AGBL2: variants seen among roughly 807,000 people sequenced by gnomAD.
The protein encoded by AGBL2 is AGBL carboxypeptidase 2.
AGBL2 carries 87 observed loss-of-function variants against 103.0 expected under a neutral mutation model. The observed-to-expected ratio is 0.84, with a 90% CI of 0.71 to 1.01. AGBL2 has a LOEUF of 1.01. AGBL2 is among the 50% of genes least tolerant of loss of function. AGBL2 has a pLI of 0.00. For missense variants in AGBL2, 904 were observed against 1,023.5 expected (o/e 0.88, Z 1.59); for synonymous variants, 335 against 356.7 (o/e 0.94, Z 0.69).
intron 14 of AGBL2, among the ~76,000 whole-genome samples, chr11:47,671,160 C>T (rs747233848): frequency 2.6e-5 from 4 of 151,956 alleles, no homozygotes; most frequent in African/African-American, 4.8e-5. Context: ...TTCCCCTTTC[C>T]TGGGGTTTAG....
At chr11:47,691,729 A>AAAAAAAAAAAAAATAAAT in intron 9 of AGBL2, among the ~76,000 whole-genome samples, 1 of 4,856 alleles carries the variant, frequency 2.1e-4, no homozygotes, top group Non-Finnish European at 3.6e-4. Context: ...AAAAAAAAAA[A>AAAAAAAAAAAAAATAAAT]ATATATATAT....
intron 8 of AGBL2, 111 bp from the exon 9 acceptor site, chr11:47,692,367 T>C (rs2097450854): frequency 1.5e-6 from 1 of 668,078 alleles, no homozygotes; most frequent in Non-Finnish European, 2.3e-6. Context: ...AACAATGAAA[T>C]TTCTAATTTT....
intron 17 of AGBL2, among the ~76,000 whole-genome samples, chr11:47,665,395 T>C (rs1187791542): frequency 1.3e-5 from 2 of 151,924 alleles, no homozygotes; most frequent in Admixed American, 6.6e-5. Context: ...GGGGTCTTGC[T>C]ATGTTGCCAG....
intron 8 of AGBL2, among the ~76,000 whole-genome samples, chr11:47,698,817 T>G (rs1241065551): frequency 3.9e-5 from 6 of 152,130 alleles, no homozygotes; most frequent in Non-Finnish European, 5.9e-5. Flanking sequence ...GATTTCTAAC[T>G]TAATTTTATT....
At chr11:47,678,687 T>A (rs1018579914) in intron 13 of AGBL2, among the ~76,000 whole-genome samples, 22 of 151,468 alleles carry the variant, frequency 1.5e-4, no homozygotes, top group African/African-American at 5.1e-4. Context: ...GAAGACATAA[T>A]TAATGAGGCA....
chr11:47,705,228 A>G (rs1304853576), intron 6 of AGBL2: 2 of 153,056 alleles, frequency 1.3e-5, no homozygotes, highest in African/African-American at 2.4e-5. Flanking sequence ...GACAGACATA[A>G]AACAAAGAAG....
intron 10 of AGBL2, among the ~76,000 whole-genome samples, chr11:47,687,227 C>CA (rs2097427640): frequency 6.6e-6 from 1 of 151,706 alleles, no homozygotes; most frequent in African/African-American, 2.4e-5. Context: ...CTGGTGCACA[C>CA]AGGTAATGAT....
intron 14 of AGBL2, among the ~76,000 whole-genome samples, chr11:47,675,303 A>C (rs940174596): frequency 7.3e-6 from 1 of 136,304 alleles, no homozygotes; most frequent in African/African-American, 2.8e-5. Context: ...CGAATTTCTG[A>C]GCTCAGCAAT....
intron 13 of AGBL2, among the ~76,000 whole-genome samples, chr11:47,679,505 G>C (rs2097393020): frequency 6.6e-6 from 1 of 152,056 alleles, no homozygotes; most frequent in Admixed American, 6.6e-5. Context: ...ACCATTTGTA[G>C]ACAGTATGCA....
chr11:47,698,676 A>G (rs11039345), intron 8 of AGBL2, among the ~76,000 whole-genome samples: 53,894 of 151,956 alleles, frequency 0.35, 10,826 homozygotes, highest in South Asian at 0.52. Context: ...TTGATATGTT[A>G]TGGTTTTATT....
At chr11:47,671,365 A>G (rs528682364) in intron 14 of AGBL2, among the ~76,000 whole-genome samples, 12 of 152,148 alleles carry the variant, frequency 7.9e-5, no homozygotes, top group African/African-American at 2.9e-4. Flanking sequence ...AAATACAAAA[A>G]AAAAATTAGC....
In AGBL2 at chr11:47,685,939, T is replaced by C. The variant is rs1161579845; in HGVS notation, c.1742A>G (p.His581Arg). ...CNNNNRKYWL[H>R]ERVFPLMLCK... ...TAACATTAAAGGAAAGACTCGTTCA[T>C]GAAGCCAGTATTTGCGATTGTTGTT... Residue 581 changes from histidine (H) to arginine (R), a missense_variant, in exon 11 of 19, where the codon CAT (histidine) becomes CGT (arginine). His to Arg is a conservative substitution (Grantham distance 29). Transcript: ENST00000525123. 9 of 1,614,014 alleles carry C rather than the reference T, an allele frequency of 5.6e-6. No homozygotes were observed. The highest frequency in any genetic ancestry group is 2.2e-5 in the South Asian group (2 of 91,080).
chr11:47,660,107 C>A lies in AGBL2; in HGVS notation c.*66G>T. 2 of 1,505,946 alleles carry A rather than the reference C, an allele frequency of 1.3e-6. No individual in the cohort carries two copies. The highest frequency in any genetic ancestry group is 1.8e-6 in the Non-Finnish European group (2 of 1,109,552). The allele number at this position is 1,505,946 out of a possible 1,614,324, so 93.3% of individuals were successfully genotyped here. ...GCAGTTCCCAGTCATACATCTCCCCCATTATAAAATGTGTCTAATCTCAAA... is the reference window on the plus strand; with the variant it reads ...GCAGTTCCCAGTCATACATCTCCCCAATTATAAAATGTGTCTAATCTCAAA... On this transcript the variant is annotated 3_prime_UTR_variant, in exon 19 of 19. Transcript: ENST00000525123.
intron 4 of AGBL2, 161 bp downstream of exon 4, chr11:47,710,216 G>A: frequency 1.2e-6 from 1 of 841,538 alleles, no homozygotes; most frequent in East Asian, 2.5e-5. Flanking sequence ...ATTTAAACCT[G>A]TAATCCAAAG....
chr11:47,679,883 C>T, intron 13 of AGBL2, 90 bp downstream of exon 13: 2 of 783,442 alleles, frequency 2.6e-6, no homozygotes, highest in South Asian at 3.1e-5. Flanking sequence ...CTCAGGCAAT[C>T]CACCCACTTC....
chr11:47,666,161 A>G (rs1454534702), intron 17 of AGBL2, among the ~76,000 whole-genome samples: 3 of 152,044 alleles, frequency 2.0e-5, no homozygotes, highest in Non-Finnish European at 4.4e-5. Flanking sequence ...TGGGAGGCCA[A>G]AGTGGGTGGA....
In AGBL2 at chr11:47,710,403, T is replaced by C. The variant is rs773987950; in HGVS notation, c.206A>G (p.Asp69Gly). The change falls in exon 4 of 19, where the codon GAC (aspartate) becomes GGC (glycine). Residue 69 changes from aspartate (D) to glycine (G), a missense_variant. By Grantham distance (94) the Asp-to-Gly change is moderately conservative. Transcript: ENST00000525123. ...TAGAAGCTTCTCCTTTTGCAGGGTG[T>C]CTGGTATCAAATCATCTTTTTCCCC... Reference protein sequence around the residue: ...SLGEKDDLIPDTLQKEKLLWP... With the variant: ...SLGEKDDLIPGTLQKEKLLWP... 1 of 1,614,016 alleles carries C rather than the reference T, an allele frequency of 6.2e-7. No individual in the cohort carries two copies. The highest frequency in any genetic ancestry group is 1.3e-5 in the African/African-American group (1 of 74,918).
Position 47,688,783 on chromosome 11 carries a change from A to C in AGBL2, c.1631+1293T>G, listed in dbSNP as rs141131569. 4.9e-3 allele frequency among the ~76,000 whole-genome samples: 747 copies of C among 152,232 alleles called. 6 individuals carry two copies. Among genetic ancestry groups the C allele is most frequent in the African/African-American group, 0.017 (720 of 41,546 alleles). ...ACTCTGAAACATATGCTCTTTAGCT[A>C]TGCCTGCCATGGTGCCATCTCAGCT... is the stretch of plus-strand genomic sequence containing the variant. On this transcript the variant is annotated intron_variant, in intron 10 of 18. Coordinates refer to ENST00000525123, the MANE Select transcript of AGBL2 (RefSeq NM_024783.4).
chr11:47,680,007 G>T lies in AGBL2; in HGVS notation c.1982C>A (p.Thr661Asn). ...GTCAGGATCACAAAAGTCCAGAAGGGTGTCACAGACATGATAACCTAAGGA... is the reference window on the plus strand; with the variant it reads ...GTCAGGATCACAAAAGTCCAGAAGGTTGTCACAGACATGATAACCTAAGGA... ...LKSLGYHVCD[T>N]LLDFCDPDQM... Residue 661 changes from threonine (T) to asparagine (N), a missense_variant, in exon 13 of 19, where the codon ACC becomes AAC. Transcript: ENST00000525123. 1 of 1,612,558 alleles carries T rather than the reference G, an allele frequency of 6.2e-7. No homozygotes were observed. Among genetic ancestry groups the T allele is most frequent in the Non-Finnish European group, 8.5e-7 (1 of 1,178,990 alleles).
Sources: allele counts gnomAD v4.1 joint callset (sites outside exome capture counted in the v4.1 genomes callset), GRCh38; gene constraint gnomAD v4.1.1; transcripts MANE v1.5; gene names NCBI Gene and HGNC (gene_info 2026-07-23, HGNC 2026-07-21).